Variants in EBF2 observed in about 807,000 individuals in gnomAD.
EBF2 encodes the protein EBF transcription factor 2.
In EBF2, 21 loss-of-function variants were observed where a neutral mutation model predicts 72.8. The ratio of observed to expected loss-of-function variants is 0.29; its 90% CI spans 0.20 to 0.42. The LOEUF (loss-of-function observed/expected upper bound fraction) is 0.42, where lower values mean the gene tolerates loss of function less well. EBF2 is among the 10% of genes least tolerant of loss of function. EBF2 has a pLI of 1.00. For synonymous variants in EBF2, 299 were observed against 274.2 expected (o/e 1.09, Z -0.89); for missense variants, 637 against 731.2 (o/e 0.87, Z 1.49).
intron 6 of EBF2, among the ~76,000 whole-genome samples, chr8:26,004,442 A>C (rs1389709085): frequency 1.3e-5 from 2 of 152,178 alleles, no homozygotes. Context: ...TGGGAGGCCA[A>C]GGCAGGTGGA....
intron 6 of EBF2, among the ~76,000 whole-genome samples, chr8:25,968,380 C>T (rs1000644594): frequency 9.9e-5 from 15 of 152,122 alleles, no homozygotes; most frequent in Non-Finnish European, 2.9e-5. Flanking sequence ...CTGACATACG[C>T]TACAACATGG....
intron 6 of EBF2, among the ~76,000 whole-genome samples, chr8:25,920,515 C>T (rs1803289954): frequency 1.3e-5 from 2 of 152,294 alleles, no homozygotes; most frequent in Admixed American, 6.5e-5. Flanking sequence ...TGGCTATTTT[C>T]TTCAGCTTTG....
chr8:25,885,735 T>C (rs1312065614), intron 10 of EBF2, among the ~76,000 whole-genome samples: 1 of 152,190 alleles, frequency 6.6e-6, no homozygotes, highest in Admixed American at 6.5e-5. Context: ...TGTCACCATG[T>C]AAGATGTGCC....
At chr8:26,035,205 T>C (rs1805479438) in intron 5 of EBF2, among the ~76,000 whole-genome samples, 1 of 151,800 alleles carries the variant, frequency 6.6e-6, no homozygotes, top group African/African-American at 2.4e-5. Flanking sequence ...TGCAGTGACA[T>C]GATCATGACT....
intron 6 of EBF2, among the ~76,000 whole-genome samples, chr8:25,979,699 C>G (rs1029582850): frequency 6.6e-6 from 1 of 152,132 alleles, no homozygotes; most frequent in Admixed American, 6.5e-5. Flanking sequence ...TACAGCCTCC[C>G]CTTGCAGCCC....
chr8:26,021,223 T>A (rs1286317744), intron 6 of EBF2, among the ~76,000 whole-genome samples: 1 of 151,874 alleles, frequency 6.6e-6, no homozygotes, highest in East Asian at 1.9e-4. Context: ...AGACTGAACA[T>A]GAGGAGGGAG....
chr8:25,917,199 G>GTTT (rs3034248), intron 6 of EBF2, among the ~76,000 whole-genome samples: 2,175 of 143,122 alleles, frequency 0.015, 22 homozygotes, highest in East Asian at 0.076. Context: ...GTGGTTTGGG[G>GTTT]TTTTTTTTTT....
intron 7 of EBF2, among the ~76,000 whole-genome samples, chr8:25,891,564 G>A (rs549536356): frequency 1.3e-5 from 2 of 151,542 alleles, no homozygotes; most frequent in African/African-American, 4.9e-5. Context: ...GAGGGCAGGG[G>A]GCTTGATCCT....
chr8:26,026,631 T>C (rs930855826), intron 6 of EBF2, among the ~76,000 whole-genome samples: 1 of 152,100 alleles, frequency 6.6e-6, no homozygotes, highest in Non-Finnish European at 1.5e-5. Context: ...ACTCACACAA[T>C]CTCAAGTTAA....
intron 6 of EBF2, among the ~76,000 whole-genome samples, chr8:25,976,635 T>TAAAAA (rs5890272): frequency 6.6e-6 from 1 of 151,678 alleles, no homozygotes; most frequent in Non-Finnish European, 1.5e-5. Flanking sequence ...GGGGCTTTCT[T>TAAAAA]AAAAACAAAA....
chr8:25,995,220 C>T (rs1023508181), intron 6 of EBF2, among the ~76,000 whole-genome samples: 12 of 152,090 alleles, frequency 7.9e-5, no homozygotes, highest in Non-Finnish European at 1.5e-4. Flanking sequence ...GCAGGAGAAT[C>T]GCTTGAATTT....
At chr8:26,009,382 C>G (rs1804941015) in intron 6 of EBF2, among the ~76,000 whole-genome samples, 1 of 152,168 alleles carries the variant, frequency 6.6e-6, no homozygotes, top group African/African-American at 2.4e-5. Flanking sequence ...ACTAGCATTA[C>G]CAGACACAAG....
intron 6 of EBF2, among the ~76,000 whole-genome samples, chr8:25,914,650 C>G (rs1017352084): frequency 1.2e-4 from 18 of 152,164 alleles, no homozygotes; most frequent in African/African-American, 4.1e-4. Context: ...TGGTGGCTAG[C>G]ACAAAAGCCC....
chr8:26,041,193 G>GT (rs1464863352), intron 2 of EBF2, 191 bp from the exon 3 acceptor site: 2 of 641,078 alleles, frequency 3.1e-6, no homozygotes, highest in African/African-American at 3.6e-5. Context: ...AACTTGCCAA[G>GT]ACTCGTAGCC....
intron 6 of EBF2, among the ~76,000 whole-genome samples, chr8:25,924,533 C>G (rs1803354719): frequency 6.6e-6 from 1 of 152,168 alleles, no homozygotes; most frequent in Non-Finnish European, 1.5e-5. Context: ...AAGCTGATTA[C>G]ATCAGGAAGG....
chr8:25,859,062 G>A (rs533135706), intron 13 of EBF2, among the ~76,000 whole-genome samples: 26 of 152,126 alleles, frequency 1.7e-4, no homozygotes, highest in Non-Finnish European at 3.1e-4. Flanking sequence ...CTTACACCAA[G>A]GAGCGAATGG....
rs750003739 is a variant in EBF2 at position 25,889,745 on chromosome 8, GC to G, written c.751+6del. ...GTGTCTGCTATGCTGAGCGCAGGCA[GC>G]CCTACCTTCCGATGGATCGAGTCTT... On this transcript the variant is annotated splice_donor_region_variant and intron_variant, in intron 8 of 15. Transcript: ENST00000520164. The G allele has an allele frequency of 6.2e-7, 1 of 1,608,124 alleles. No homozygotes were observed. The highest frequency in any genetic ancestry group is 1.7e-4 in the Middle Eastern group (1 of 6,050).
At chr8:25,852,045 TCTTATC>T (rs1314695073) in intron 14 of EBF2, among the ~76,000 whole-genome samples, 1 of 152,180 alleles carries the variant, frequency 6.6e-6, no homozygotes, top group Non-Finnish European at 1.5e-5. Flanking sequence ...TCTAAAAACA[TCTTATC>T]CTTAAAGTAG....
At chr8:26,042,369 T>G in intron 1 of EBF2, 118 bp from the exon 2 acceptor site, 18 of 1,304,174 alleles carry the variant, frequency 1.4e-5, no homozygotes, top group Admixed American at 2.7e-5. Context: ...TCCAGAGTTC[T>G]GAACCCTTCG....
Sources: allele counts gnomAD v4.1 joint callset (sites outside exome capture counted in the v4.1 genomes callset), GRCh38; gene constraint gnomAD v4.1.1; transcripts MANE v1.5; gene names NCBI Gene and HGNC (gene_info 2026-07-23, HGNC 2026-07-21).